The following DOK7 variants were observed in gnomAD, a reference collection of about 807,000 sequenced individuals.
The protein encoded by DOK7 is protein Dok-7.
A neutral mutation model predicts 30.7 loss-of-function variants in DOK7; 32 were observed. That is an observed-to-expected ratio of 1.04 (90% CI 0.79 to 1.40). The LOEUF is 1.40. Ranked by LOEUF, DOK7 falls within the 40% of genes most tolerant of loss-of-function variation. The pLI is 0.00. For missense variants in DOK7, 1,007 were observed against 699.2 expected (o/e 1.44, Z -4.97); for synonymous variants, 447 against 324.1 (o/e 1.38, Z -4.07).
chr4:3,473,741 C>A, intron 3 of DOK7, 105 bp downstream of exon 3: 1 of 1,121,354 alleles, frequency 8.9e-7, no homozygotes, highest in Non-Finnish European at 1.2e-6. Flanking sequence ...GGGAACCGTG[C>A]AGGAAGATGG....
chr4:3,488,722 G>A (rs1046670716), intron 5 of DOK7, among the ~76,000 whole-genome samples: 14 of 152,218 alleles, frequency 9.2e-5, no homozygotes, highest in Non-Finnish European at 1.8e-4. Flanking sequence ...GTCAGGAGGT[G>A]TGTTCTGGAG....
intron 4 of DOK7, chr4:3,484,791 G>GT: frequency 2.0e-6 from 2 of 985,592 alleles, no homozygotes; most frequent in Non-Finnish European, 2.4e-6. Context: ...GACCGAGGAG[G>GT]TGGGGAGGAC....
intron 6 of DOK7, among the ~76,000 whole-genome samples, chr4:3,490,148 T>TTC (rs1728148798): frequency 2.3e-5 from 2 of 88,060 alleles, no homozygotes; most frequent in African/African-American, 1.2e-4. Context: ...CATTCCTTCC[T>TTC]TCCCCACCCT....
intron 2 of DOK7, among the ~76,000 whole-genome samples, chr4:3,466,690 C>G (rs187376855): frequency 1.3e-5 from 2 of 152,316 alleles, no homozygotes; most frequent in East Asian, 3.9e-4. Context: ...CATGTGGGAG[C>G]AGTGACCTGG....
chr4:3,470,185 C>T (rs1228857523), intron 2 of DOK7, among the ~76,000 whole-genome samples: 2 of 152,228 alleles, frequency 1.3e-5, no homozygotes, highest in African/African-American at 4.8e-5. Context: ...GCTCCAGTCC[C>T]TGCCTCCGTC....
At chr4:3,495,461 C>T (rs143484947), downstream of DOK7, among the ~76,000 whole-genome samples, 23 of 152,340 alleles carry the variant, frequency 1.5e-4, no homozygotes, top group East Asian at 1.7e-3. Flanking sequence ...TCTTGCCTGG[C>T]GGGGCTGGGC....
intron 4 of DOK7, among the ~76,000 whole-genome samples, chr4:3,480,687 AGCCCCCTGCCG>A (rs939945265): frequency 2.0e-5 from 3 of 152,218 alleles, no homozygotes; most frequent in Admixed American, 6.5e-5. Flanking sequence ...AGCTCTGGAG[AGCCCCCTGCCG>A]GCCACCTTTG....
At chr4:3,469,154 TGA>T (rs544387307) in intron 2 of DOK7, among the ~76,000 whole-genome samples, 133 of 151,504 alleles carry the variant, frequency 8.8e-4, no homozygotes, top group African/African-American at 2.2e-3. Flanking sequence ...TGTCTGTGTA[TGA>T]GTGTGCATGT....
chr4:3,500,224 G>T (rs569484015), intron 6 of DOK7: 1,653 of 1,533,332 alleles, frequency 1.1e-3, no homozygotes, highest in Non-Finnish European at 1.3e-3. Context: ...GGTCCCCACC[G>T]GGGCTTCACA....
intron 2 of DOK7, among the ~76,000 whole-genome samples, chr4:3,465,422 G>A (rs1321362308): frequency 6.6e-6 from 1 of 152,198 alleles, no homozygotes; most frequent in Non-Finnish European, 1.5e-5. Flanking sequence ...GCAGGCCCCA[G>A]CCCTGGAGGA....
Position 3,476,417 on chromosome 4 carries a change from A to T in DOK7, c.407A>T (p.Asp136Val). ...CCGGCTACCCTGCACCTCTGCAATG[A>T]TGTCCTCGTCTTGGCCAGGGACATC... ...SGPATLHLCN[D>V]VLVLARDIPP... The change falls in exon 4 of 7, where the codon GAT becomes GTT. Residue 136 changes from aspartate to valine, a missense_variant. Coordinates refer to ENST00000340083, the MANE Select transcript of DOK7 (RefSeq NM_173660.5). 1 of 1,613,224 alleles carries T rather than the reference A, an allele frequency of 6.2e-7. No homozygotes were observed. The highest frequency in any genetic ancestry group is 8.5e-7 in the Non-Finnish European group (1 of 1,179,984).
Position 3,494,251 on chromosome 4 carries a change from G to C in DOK7, c.*750G>C, listed in dbSNP as rs1281743148. 2 of 985,410 alleles carry C rather than the reference G, an allele frequency of 2.0e-6. No homozygotes were observed. Among genetic ancestry groups the C allele is most frequent in the African/African-American group, 3.5e-5 (2 of 57,252 alleles). 61.0% of individuals were successfully genotyped at this position (985,410 alleles called of 1,614,324 possible). ...TCTGAACCTCCTCGCAGGGCCAAAG[G>C]CTGGCTTGGCCTGTGTTTCCCCTGG... On this transcript the variant is annotated 3_prime_UTR_variant, in exon 7 of 7. Transcript: ENST00000340083.
chr4:3,493,671 A>G lies in DOK7; in HGVS notation c.*170A>G, dbSNP rs1213402609. On this transcript the variant is annotated 3_prime_UTR_variant, in exon 7 of 7. Coordinates refer to ENST00000340083, the MANE Select transcript of DOK7 (RefSeq NM_173660.5). ...GCGCCCTGTGGCTGCCACCGGAGGA[A>G]GGGGCTGACTTGGGGAGGTGAGTTC... 2 of 1,452,962 alleles carry G rather than the reference A, an allele frequency of 1.4e-6. No homozygotes were observed. Among genetic ancestry groups the G allele is most frequent in the African/African-American group, 2.9e-5 (2 of 69,842 alleles). 90.0% of individuals were successfully genotyped at this position (1,452,962 alleles called of 1,614,324 possible).
At position 3,476,355 on chromosome 4, in the gene DOK7, T is replaced by C. The variant is rs1727088060; in HGVS notation, c.345T>C (p.His115=). The change falls in exon 4 of 7, where the codon CAT becomes CAC. Residue 115 remains histidine (H), a synonymous_variant. Transcript: ENST00000340083. ...RYALGEVHRF[H]VTVAPGTKLE... ...GCCTGCCCGCAGTGCATAGGTTCCATGTGACAGTGGCTCCAGGCACCAAGT... is the reference window on the plus strand; with the variant it reads ...GCCTGCCCGCAGTGCATAGGTTCCACGTGACAGTGGCTCCAGGCACCAAGT... 1.3e-6 allele frequency: 2 copies of C among 1,503,934 alleles called. No homozygotes were observed. Among genetic ancestry groups the C allele is most frequent in the South Asian group, 1.1e-5 (1 of 89,452 alleles). The allele number at this position is 1,503,934 out of a possible 1,614,324, so 93.2% of individuals were successfully genotyped here. A position where few individuals can be genotyped will look rare whatever the true frequency, so the allele number is the denominator to read the frequency against.
intron 6 of DOK7, among the ~76,000 whole-genome samples, chr4:3,492,141 C>T (rs925082368): frequency 3.3e-5 from 5 of 152,160 alleles, no homozygotes; most frequent in South Asian, 2.1e-4. Flanking sequence ...CCCAAGAGCA[C>T]GGGAGGGGCC....
downstream of DOK7, chr4:3,494,554 GATGCGAA>G (rs1402289023): frequency 4.1e-6 from 4 of 981,872 alleles, no homozygotes; most frequent in Non-Finnish European, 3.6e-6. Flanking sequence ...CCTCTGCCTG[GATGCGAA>G]GTCCCCGGGC....
chr4:3,491,318 C>T (rs1344117952), intron 6 of DOK7, among the ~76,000 whole-genome samples: 2 of 128,942 alleles, frequency 1.6e-5, no homozygotes, highest in Non-Finnish European at 3.3e-5. Context: ...TGCCTTCTCC[C>T]CCTGCTCATT....
rs373595740 is a variant in DOK7, at chr4:3,493,505, C to T, written c.*4C>T. 54 of 1,610,254 alleles carry T rather than the reference C, an allele frequency of 3.4e-5. No homozygotes were observed. The African/African-American group carries it at 5.5e-4, about 16-fold the overall frequency. On this transcript the variant is annotated 3_prime_UTR_variant, in exon 7 of 7. Transcript: ENST00000340083. ...CAAGGTAAACCCCCCTCCTTGAGAG[C>T]CGCAGATCCCGCCCCGCGGCTGCAA...
chr4:3,489,844 A>G, intron 6 of DOK7, 48 bp downstream of exon 6: 1 of 1,553,716 alleles, frequency 6.4e-7, no homozygotes, highest in South Asian at 1.2e-5. Flanking sequence ...CTAAGCCTCC[A>G]GCAGGAGAGC....
Sources: gnomAD v4.1 joint callset for allele counts (sites outside exome capture counted in the v4.1 genomes callset) on GRCh38, gnomAD v4.1.1 for gene constraint, MANE v1.5 for transcripts, NCBI Gene and HGNC (gene_info 2026-07-23, HGNC 2026-07-21) for gene names.